The following TENM1 variants were observed in gnomAD, a reference collection of about 807,000 sequenced individuals.
The protein encoded by TENM1 is teneurin transmembrane protein 1, also known as teneurin-1.
Under a neutral mutation model 174.8 loss-of-function variants are expected in TENM1, and 35 were observed. The ratio of observed to expected loss-of-function variants is 0.20; its 90% confidence interval spans 0.15 to 0.27. The LOEUF (loss-of-function observed/expected upper bound fraction) is 0.27, where lower values mean the gene tolerates loss of function less well. TENM1 is among the 10% of genes least tolerant of loss of function. The pLI is 1.00. For missense variants in TENM1, 1,633 were observed against 2,130.1 expected (o/e 0.77, Z 4.59); for synonymous variants, 781 against 798.7 (o/e 0.98, Z 0.37).
At chrX:125,077,094 T>G in the TENM1 span, among the ~76,000 whole-genome samples, 1 of 111,492 alleles carries the variant, frequency 9.0e-6, no homozygotes, top group South Asian at 3.7e-4. Flanking sequence ...AAGACGTTTC[T>G]CATTAACTGA....
chrX:124,865,430 A>C (rs996896973), intron 3 of TENM1, among the ~76,000 whole-genome samples: 6 of 111,997 alleles, frequency 5.4e-5, no homozygotes, highest in African/African-American at 1.6e-4. Context: ...TTATGCAAAT[A>C]GTGTTGATTG....
chrX:124,925,380 TG>T (rs1372631431), intron 1 of TENM1, among the ~76,000 whole-genome samples: 2 of 111,391 alleles, frequency 1.8e-5, no homozygotes, highest in African/African-American at 3.3e-5. Context: ...TAAACTGGCT[TG>T]CATGATTCCA....
the TENM1 span, among the ~76,000 whole-genome samples, chrX:125,068,743 G>C: frequency 0.35 from 38,679 of 110,841 alleles, 6,860 homozygotes; most frequent in African/African-American, 0.7. Context: ...AAAGAGAACA[G>C]ATTTGATCTG....
At chrX:124,450,612 T>C (rs1315719662) in intron 23 of TENM1, among the ~76,000 whole-genome samples, 1 of 111,993 alleles carries the variant, frequency 8.9e-6, no homozygotes, top group African/African-American at 3.2e-5. Context: ...GTATGACAAA[T>C]GAAGCAACAG....
chrX:124,804,174 G>T (rs919837778), intron 3 of TENM1, among the ~76,000 whole-genome samples: 2 of 111,921 alleles, frequency 1.8e-5, no homozygotes, highest in African/African-American at 6.5e-5. Context: ...AGACCTGCCT[G>T]CCAGGAATAA....
chrX:124,847,946 C>T (rs912901646), intron 3 of TENM1, among the ~76,000 whole-genome samples: 1 of 111,042 alleles, frequency 9.0e-6, no homozygotes, highest in Non-Finnish European at 1.9e-5. Flanking sequence ...CAGCTATCAG[C>T]GGGCTTTTTA....
intron 11 of TENM1, among the ~76,000 whole-genome samples, chrX:124,628,264 T>C (rs952031208): frequency 1.8e-5 from 2 of 111,133 alleles, no homozygotes; most frequent in South Asian, 7.6e-4. Context: ...TGGAATAGAA[T>C]CAGTTTAATT....
At chrX:124,880,467 A>G (rs1279541473) in intron 3 of TENM1, among the ~76,000 whole-genome samples, 4 of 112,192 alleles carry the variant, frequency 3.6e-5, no homozygotes, top group African/African-American at 1.3e-4. Context: ...TATCATCTGC[A>G]AAGACAGAAC....
chrX:125,164,730 A>G, the TENM1 span, among the ~76,000 whole-genome samples: 3 of 111,822 alleles, frequency 2.7e-5, no homozygotes, highest in African/African-American at 9.7e-5. Flanking sequence ...TACTTCATTG[A>G]GTAAATAACA....
chrX:124,728,813 A>C (rs1417862700), intron 4 of TENM1, among the ~76,000 whole-genome samples: 1 of 111,943 alleles, frequency 8.9e-6, no homozygotes, highest in Non-Finnish European at 1.9e-5. Context: ...CCTGACCTGG[A>C]TCTGTCATAT....
At chrX:125,026,640 C>G in the TENM1 span, among the ~76,000 whole-genome samples, 2 of 111,934 alleles carry the variant, frequency 1.8e-5, no homozygotes, top group African/African-American at 6.5e-5. Flanking sequence ...AAAGAAATTA[C>G]TGAACCATAT....
intron 3 of TENM1, among the ~76,000 whole-genome samples, chrX:124,884,704 C>T (rs2147528344): frequency 8.9e-6 from 1 of 111,987 alleles, no homozygotes; most frequent in African/African-American, 3.2e-5. Flanking sequence ...AGTGTGATTA[C>T]TAGCTATTTT....
chrX:124,465,459 C>T (rs1317081201), intron 22 of TENM1, among the ~76,000 whole-genome samples: 2 of 111,044 alleles, frequency 1.8e-5, no homozygotes, highest in African/African-American at 6.6e-5. Context: ...ACTATGTTGA[C>T]CAGGCTGGTC....
At chrX:124,905,854 A>G (rs889502088) in intron 1 of TENM1, among the ~76,000 whole-genome samples, 5 of 111,634 alleles carry the variant, frequency 4.5e-5, no homozygotes, top group Admixed American at 9.5e-5. Flanking sequence ...GAGAATGGAG[A>G]AAGAGCCATC....
Position 124,604,913 on chromosome X carries a change from A to G in TENM1, c.2077+36878T>C, listed in dbSNP as rs189203540. 4.8e-4 allele frequency among the ~76,000 whole-genome samples: 52 copies of G among 109,271 alleles called. No individual in the cohort carries two copies. In the East Asian group the frequency reaches 7.8e-3, roughly 16 times the overall value. 94.9% of individuals were successfully genotyped at this position (109,271 alleles called of 115,157 possible). On this transcript the variant is annotated intron_variant, in intron 11 of 31. Transcript: ENST00000422452. ...TTAAATAGACGACGTTTATGAAAGT[A>G]GTACACTGACTGGCATATATTATTT...
chrX:124,956,962 T>C (rs1295393168), intron 1 of TENM1, among the ~76,000 whole-genome samples: 2 of 112,187 alleles, frequency 1.8e-5, no homozygotes, highest in Non-Finnish European at 3.8e-5. Context: ...AATAGAGAAA[T>C]GCACTTCTCA....
At chrX:124,415,945 G>T (rs1005640392) in intron 25 of TENM1, among the ~76,000 whole-genome samples, 1 of 111,109 alleles carries the variant, frequency 9.0e-6, no homozygotes, top group Non-Finnish European at 1.9e-5. Flanking sequence ...ATACAAATAT[G>T]CTGTTATTTC....
At chrX:124,836,349 A>G (rs187978257) in intron 3 of TENM1, among the ~76,000 whole-genome samples, 1 of 111,553 alleles carries the variant, frequency 9.0e-6, no homozygotes, top group Admixed American at 9.5e-5. Context: ...TAAAAACTTT[A>G]TATCTTCCTT....
the TENM1 span, among the ~76,000 whole-genome samples, chrX:125,124,208 C>G: frequency 8.9e-6 from 1 of 112,429 alleles, no homozygotes; most frequent in Non-Finnish European, 1.9e-5. Flanking sequence ...AAGGGCTTAT[C>G]TATGTGTTTC....
Sources: allele counts gnomAD v4.1 joint callset (sites outside exome capture counted in the v4.1 genomes callset), GRCh38; gene constraint gnomAD v4.1.1; transcripts MANE v1.5; gene names NCBI Gene and HGNC (gene_info 2026-07-23, HGNC 2026-07-21).